Variants in POLK observed in about 807,000 individuals in gnomAD.
POLK encodes the protein DNA polymerase kappa, also known as polymerase (DNA directed) kappa.
Under a neutral mutation model 94.0 loss-of-function variants are expected in POLK, and 76 were observed. That is an observed-to-expected ratio of 0.81 (90% CI 0.67 to 0.98). The LOEUF (loss-of-function observed/expected upper bound fraction) is 0.98. POLK is among the 50% of genes least tolerant of loss of function. The pLI is 0.00. For missense variants in POLK, 954 were observed against 1,010.1 expected (o/e 0.94, Z 0.75); for synonymous variants, 349 against 325.4 (o/e 1.07, Z -0.78).
At chr5:75,577,837 T>C (rs1399910931) in intron 6 of POLK, among the ~76,000 whole-genome samples, 3 of 152,234 alleles carry the variant, frequency 2.0e-5, no homozygotes, top group South Asian at 2.1e-4. Context: ...CATTACCTTA[T>C]TTAAAGTGCT....
chr5:75,549,665 T>C (rs1039776223), intron 2 of POLK, among the ~76,000 whole-genome samples: 7 of 152,188 alleles, frequency 4.6e-5, no homozygotes, highest in Non-Finnish European at 1.0e-4. Context: ...ATTTTCTAAT[T>C]GTTACTATTC....
intron 1 of POLK, among the ~76,000 whole-genome samples, chr5:75,516,717 G>T (rs908172325): frequency 6.6e-6 from 1 of 152,180 alleles, no homozygotes; most frequent in African/African-American, 2.4e-5. Flanking sequence ...ATGTCCTGGA[G>T]TATTTCCCAA....
intron 7 of POLK, chr5:75,582,185 A>G: frequency 1.0e-6 from 1 of 957,876 alleles, no homozygotes; most frequent in Non-Finnish European, 1.2e-6. Context: ...GGTAAAAGGA[A>G]AAACAAATTT....
intron 3 of POLK, among the ~76,000 whole-genome samples, chr5:75,556,736 G>T (rs1349912037): frequency 1.3e-5 from 2 of 150,190 alleles, no homozygotes; most frequent in Admixed American, 1.3e-4. Context: ...TTAACATGAG[G>T]ATATCCAATT....
upstream of POLK, chr5:75,511,449 G>A (rs556130884): frequency 7.4e-5 from 114 of 1,532,450 alleles, 1 homozygote; most frequent in African/African-American, 1.4e-3. Context: ...GTCAGCCGCC[G>A]CCGCCGTCGC....
chr5:75,538,158 A>T (rs573493111), intron 1 of POLK, among the ~76,000 whole-genome samples: 2 of 152,248 alleles, frequency 1.3e-5, no homozygotes, highest in African/African-American at 4.8e-5. Context: ...GCCCAGCCTC[A>T]AATTTTATTT....
rs187370214 is a variant in POLK, at chr5:75,582,094, A to G, written c.934+646A>G. On this transcript the variant is annotated intron_variant, in intron 7 of 14. Transcript: ENST00000241436. ...AGACTTCAATCCTGTCCAAGATTAC[A>G]TTGCAGGAGAGAACCCAGACGGCCA... 1,100 of 986,220 alleles carry G rather than the reference A, an allele frequency of 1.1e-3. 2 individuals carry two copies. The highest frequency in any genetic ancestry group is 1.2e-3 in the Non-Finnish European group (1,023 of 828,794). 61.1% of individuals were successfully genotyped at this position (986,220 alleles called of 1,614,324 possible).
At chr5:75,601,622 C>T (rs1238519277), downstream of POLK, among the ~76,000 whole-genome samples, 1 of 152,186 alleles carries the variant, frequency 6.6e-6, no homozygotes, top group South Asian at 2.1e-4. Flanking sequence ...CTCCGTCTTT[C>T]TCCTGTGCTG....
intron 1 of POLK, among the ~76,000 whole-genome samples, chr5:75,516,306 A>G (rs1031914930): frequency 5.3e-5 from 8 of 152,182 alleles, no homozygotes; most frequent in African/African-American, 1.9e-4. Flanking sequence ...TGGCCAGGCC[A>G]AGAGTTGTGC....
chr5:75,583,300 C>A, exon 8 of POLK: 2 of 1,587,500 alleles, frequency 1.3e-6, no homozygotes, highest in South Asian at 1.2e-5. Flanking sequence ...AAGGCATTGC[C>A]CCAAATACAA....
Position 75,528,236 on chromosome 5 carries a change from T to G in POLK, c.-14+16322T>G, listed in dbSNP as rs184959000. Among the ~76,000 whole-genome samples, 176 of 152,286 alleles carry G rather than the reference T, an allele frequency of 1.2e-3. 2 individuals carry two copies. The East Asian group carries it at 0.027, about 23-fold the overall frequency. On this transcript the variant is annotated intron_variant, in intron 1 of 14. Transcript: ENST00000241436. ...TACGGAAGAAAAAATGATTATATAG[T>G]TCCATAATTATTTAAATAAAAATAA...
At chr5:75,511,626 A>G, upstream of POLK, 1 of 1,481,824 alleles carries the variant, frequency 6.7e-7, no homozygotes, top group Non-Finnish European at 9.0e-7. Context: ...CTGGCCCACT[A>G]TTTACCCTCC....
chr5:75,559,299 G>T (rs1238880569), intron 3 of POLK, among the ~76,000 whole-genome samples: 2 of 152,050 alleles, frequency 1.3e-5, no homozygotes, highest in Non-Finnish European at 2.9e-5. Context: ...AACCTCTAGG[G>T]TGTTCAGAAC....
At chr5:75,544,340 A>AC (rs1324295926) in intron 1 of POLK, among the ~76,000 whole-genome samples, 1 of 151,778 alleles carries the variant, frequency 6.6e-6, no homozygotes, top group African/African-American at 2.4e-5. Context: ...TGGGCAACCC[A>AC]CCCCTGTCTC....
intron 1 of POLK, among the ~76,000 whole-genome samples, chr5:75,530,212 AG>A (rs1223591207): frequency 6.7e-6 from 1 of 148,398 alleles, no homozygotes; most frequent in Admixed American, 6.7e-5. Context: ...CTCACATTTC[AG>A]GGTATTCAAA....
exon 4 of POLK, chr5:75,569,365 A>T (rs1430190237): frequency 6.2e-7 from 1 of 1,611,864 alleles, no homozygotes; most frequent in Admixed American, 1.7e-5. Flanking sequence ...ATGGAATTAG[A>T]ACAAAGCCGA....
the POLK span, chr5:75,609,386 C>A: frequency 6.6e-6 from 1 of 152,132 alleles, no homozygotes; most frequent in Non-Finnish European, 1.5e-5. Flanking sequence ...ACCTCAGCCT[C>A]CCAAGTAGCT....
exon 15 of POLK, chr5:75,597,955 C>T (rs1561418167): frequency 5.3e-6 from 8 of 1,501,888 alleles, no homozygotes; most frequent in Non-Finnish European, 6.3e-6. Flanking sequence ...TGACAAAGTA[C>T]TCAACATCAA....
intron 9 of POLK, 134 bp from the exon 10 acceptor site, chr5:75,586,889 AAAC>A: frequency 3.3e-6 from 2 of 604,432 alleles, no homozygotes; most frequent in Admixed American, 3.5e-5. Flanking sequence ...TTTAGATAAA[AAAC>A]TGTTTTTCAT....
Sources: gnomAD v4.1 joint callset for allele counts (sites outside exome capture counted in the v4.1 genomes callset) on GRCh38, gnomAD v4.1.1 for gene constraint, MANE v1.5 for transcripts, NCBI Gene and HGNC (gene_info 2026-07-23, HGNC 2026-07-21) for gene names.